ULK4: variants seen among roughly 807,000 people sequenced by gnomAD.
The protein encoded by ULK4 is unc-51 like kinase 4, also known as inactive serine/threonine-protein kinase ULK4.
Under a neutral mutation model 160.6 loss-of-function variants are expected in ULK4, and 133 were observed. That is an observed-to-expected ratio of 0.83 (90% CI 0.72 to 0.96). The LOEUF is 0.96. ULK4 is among the 40% of genes least tolerant of loss of function. ULK4 has a pLI of 0.00. For synonymous variants in ULK4, 534 were observed against 539.8 expected (o/e 0.99, Z 0.15); for missense variants, 1,580 against 1,499.5 (o/e 1.05, Z -0.89).
chr3:41,561,801 G>GA (rs2087582620), intron 32 of ULK4, among the ~76,000 whole-genome samples: 2 of 151,740 alleles, frequency 1.3e-5, no homozygotes, highest in African/African-American at 4.8e-5. Flanking sequence ...TTGATCTTTT[G>GA]AAAAAACCAG....
intron 18 of ULK4, among the ~76,000 whole-genome samples, chr3:41,832,941 T>C (rs1333176152): frequency 1.3e-5 from 2 of 152,180 alleles, no homozygotes; most frequent in South Asian, 2.1e-4. Flanking sequence ...TGTAGCCTTG[T>C]AGTATAGTTT....
intron 29 of ULK4, among the ~76,000 whole-genome samples, chr3:41,668,825 G>C (rs1199322564): frequency 6.6e-6 from 1 of 152,098 alleles, no homozygotes; most frequent in Non-Finnish European, 1.5e-5. Flanking sequence ...AAATTGTTGG[G>C]TAAGAAGGCC....
intron 35 of ULK4, among the ~76,000 whole-genome samples, chr3:41,361,862 G>T (rs1226485805): frequency 2.0e-5 from 3 of 152,172 alleles, no homozygotes; most frequent in Non-Finnish European, 2.9e-5. Context: ...TTTTGTATCT[G>T]TCATTATGAA....
intron 30 of ULK4, among the ~76,000 whole-genome samples, chr3:41,645,022 G>A (rs1449574661): frequency 6.6e-6 from 1 of 151,346 alleles, no homozygotes; most frequent in Non-Finnish European, 1.5e-5. Flanking sequence ...TTGTATTTCT[G>A]TGGGATCGGT....
At chr3:41,393,292 C>T (rs1259132261) in intron 35 of ULK4, among the ~76,000 whole-genome samples, 1 of 152,152 alleles carries the variant, frequency 6.6e-6, no homozygotes, top group Non-Finnish European at 1.5e-5. Flanking sequence ...ATGCTGCCAG[C>T]AGCCGTTTGT....
At chr3:41,956,797 A>G (rs1700500012) in intron 1 of ULK4, among the ~76,000 whole-genome samples, 1 of 152,228 alleles carries the variant, frequency 6.6e-6, no homozygotes, top group African/African-American at 2.4e-5. Context: ...AGCCACACCC[A>G]TTCATTTATA....
At chr3:41,676,767 T>C (rs550933454) in intron 29 of ULK4, among the ~76,000 whole-genome samples, 14 of 152,094 alleles carry the variant, frequency 9.2e-5, no homozygotes, top group Non-Finnish European at 1.6e-4. Context: ...GAAAATATTG[T>C]CTCTCCAGCT....
intron 27 of ULK4, 28 bp downstream of exon 27, chr3:41,705,029 G>A: frequency 6.4e-7 from 1 of 1,561,606 alleles, no homozygotes; most frequent in Non-Finnish European, 8.7e-7. Flanking sequence ...TTTAAAAGGA[G>A]CTTTTTTCAA....
At chr3:41,763,739 A>G (rs917397381) in intron 21 of ULK4, among the ~76,000 whole-genome samples, 5 of 152,214 alleles carry the variant, frequency 3.3e-5, no homozygotes, top group African/African-American at 1.2e-4. Context: ...TTGCTCCAAT[A>G]AGAGGTAAGC....
intron 19 of ULK4, among the ~76,000 whole-genome samples, chr3:41,806,451 A>AT (rs567155185): frequency 6.6e-6 from 1 of 151,846 alleles, no homozygotes. Flanking sequence ...GGATTCATTA[A>AT]TTTTTTCAAG....
At chr3:41,911,264 A>G in intron 11 of ULK4, 53 bp downstream of exon 11, 2 of 1,564,950 alleles carry the variant, frequency 1.3e-6, no homozygotes, top group Non-Finnish European at 1.8e-6. Context: ...CAGATGCTTT[A>G]AGAAAATTTA....
intron 17 of ULK4, among the ~76,000 whole-genome samples, chr3:41,850,407 A>C (rs1265958634): frequency 1.3e-5 from 2 of 151,946 alleles, no homozygotes; most frequent in African/African-American, 4.8e-5. Context: ...ACAATGGTTG[A>C]ACTAGTTTAC....
At chr3:41,447,978 T>G (rs992041014) in intron 34 of ULK4, among the ~76,000 whole-genome samples, 11 of 151,924 alleles carry the variant, frequency 7.2e-5, no homozygotes, top group African/African-American at 2.7e-4. Flanking sequence ...ACAGCAGGAG[T>G]GCTGCGGACA....
chr3:41,355,375 C>A (rs1421438293), intron 35 of ULK4, among the ~76,000 whole-genome samples: 2 of 152,182 alleles, frequency 1.3e-5, no homozygotes, highest in Non-Finnish European at 2.9e-5. Context: ...AAAAGCCCTA[C>A]AAAACCTAAC....
At chr3:41,605,653 C>T (rs555301581) in intron 31 of ULK4, among the ~76,000 whole-genome samples, 14 of 152,054 alleles carry the variant, frequency 9.2e-5, no homozygotes, top group Admixed American at 2.6e-4. Context: ...ACTTACAATA[C>T]GAGAGTCTGT....
intron 11 of ULK4, among the ~76,000 whole-genome samples, chr3:41,909,860 T>TA (rs1410747380): frequency 6.6e-6 from 1 of 152,212 alleles, no homozygotes; most frequent in Non-Finnish European, 1.5e-5. Flanking sequence ...TTCTCTACGT[T>TA]AAAAAATATT....
chr3:41,493,460 C>T (rs1380550702), intron 32 of ULK4, among the ~76,000 whole-genome samples: 1 of 128,058 alleles, frequency 7.8e-6, no homozygotes, highest in Non-Finnish European at 1.7e-5. Flanking sequence ...GCACTAAATG[C>T]CCACAAGAGA....
intron 7 of ULK4, among the ~76,000 whole-genome samples, chr3:41,917,988 AAAATAAAT>A (rs150895020): frequency 0.012 from 1,823 of 147,804 alleles, 24 homozygotes; most frequent in African/African-American, 0.042. Context: ...CTCTGTCTCA[AAAATAAAT>A]AAATAAATAA....
intron 19 of ULK4, among the ~76,000 whole-genome samples, chr3:41,810,921 T>C (rs1401129248): frequency 6.6e-6 from 1 of 152,244 alleles, no homozygotes; most frequent in Non-Finnish European, 1.5e-5. Flanking sequence ...GGTCTTGCTC[T>C]GTTGCCCAGG....
Sources: allele counts gnomAD v4.1 joint callset (sites outside exome capture counted in the v4.1 genomes callset), GRCh38; gene constraint gnomAD v4.1.1; transcripts MANE v1.5; gene names NCBI Gene and HGNC (gene_info 2026-07-23, HGNC 2026-07-21).